Variants in HLTF observed in about 807,000 individuals in gnomAD.
HLTF encodes the protein DNA-dependent ATPase/E3 ubiquitin-protein ligase HLTF.
Under a neutral mutation model 129.4 loss-of-function variants are expected in HLTF, and 127 were observed. That is an observed-to-expected ratio of 0.98 (90% CI 0.85 to 1.14). The LOEUF (loss-of-function observed/expected upper bound fraction) is 1.14, where lower values mean the gene tolerates loss of function less well. HLTF is among the 50% of genes most tolerant of loss of function. The pLI is 0.00. For missense variants in HLTF, 1,139 were observed against 1,187.1 expected (o/e 0.96, Z 0.60); for synonymous variants, 332 against 388.8 (o/e 0.85, Z 1.72).
At chr3:149,047,519 G>A (rs1716644420) in intron 17 of HLTF, among the ~76,000 whole-genome samples, 1 of 152,156 alleles carries the variant, frequency 6.6e-6, no homozygotes, top group African/African-American at 2.4e-5. Flanking sequence ...GCGCAGACCT[G>A]TAATCTCAGC....
chr3:149,063,527 A>C lies in HLTF; in HGVS notation c.1067-3T>G. The C allele has an allele frequency of 6.4e-7, 1 of 1,555,274 alleles. No individual in the cohort carries two copies. Among genetic ancestry groups the C allele is most frequent in the South Asian group, 1.1e-5 (1 of 89,804 alleles). On this transcript the variant is annotated splice_region_variant and splice_polypyrimidine_tract_variant and intron_variant, in intron 9 of 24. Coordinates refer to ENST00000310053, the MANE Select transcript of HLTF (RefSeq NM_003071.4). The stretch of plus-strand genomic sequence containing the variant: ...TTGTTCACTACATCTAGATGCGTCT[A>C]TTTCAAAGAAAAATGCAAATATAAA...
Position 149,039,206 on chromosome 3 carries a change from C to A in HLTF, c.2639G>T (p.Arg880Leu). 1 of 1,582,152 alleles carries A rather than the reference C, an allele frequency of 6.3e-7. No homozygotes were observed. Among genetic ancestry groups the A allele is most frequent in the East Asian group, 2.3e-5 (1 of 43,782 alleles). The change falls in exon 23 of 25, where the codon CGT becomes CTT. Residue 880 changes from arginine to leucine, a missense_variant. By Grantham distance (102) the Arg-to-Leu change is moderately radical. Transcript: ENST00000310053. Reference sequence around the variant, plus strand: ...CTTTTGGGCCATGGAACCATCCAAACGAGTAAACACAAATCCAGAGGCTCT... The same window carrying A: ...CTTTTGGGCCATGGAACCATCCAAAAGAGTAAACACAAATCCAGAGGCTCT... ...PLKASGFVFT[R>L]LDGSMAQKKR... is the part of the protein sequence containing the mutation.
chr3:149,054,345 A>C (rs536313312), intron 14 of HLTF, among the ~76,000 whole-genome samples: 60 of 152,304 alleles, frequency 3.9e-4, no homozygotes, highest in African/African-American at 1.3e-3. Context: ...ATGTATCAGG[A>C]AGAGCCAGTG....
At chr3:149,039,765 T>A in intron 21 of HLTF, 72 bp from the exon 22 acceptor site, 2 of 821,386 alleles carry the variant, frequency 2.4e-6, no homozygotes, top group South Asian at 4.2e-5. Flanking sequence ...GTTTTTATCA[T>A]AAAGAAAAGG....
chr3:149,060,800 C>T lies in HLTF; in HGVS notation c.1219G>A (p.Glu407Lys). The T allele has an allele frequency of 5.0e-6, 8 of 1,613,498 alleles. No individual in the cohort carries two copies. The highest frequency in any genetic ancestry group is 6.8e-6 in the Non-Finnish European group (8 of 1,179,546). Residue 407 changes from glutamate (E) to lysine (K), a missense_variant, in exon 11 of 25, where the codon GAA becomes AAA. By Grantham distance (56) the Glu-to-Lys change is moderately conservative (BLOSUM62 1). Transcript: ENST00000310053. ...TTACCTTTCATTTTCTGCGGCAATT[C>T]ACTTGTTTCAATTTCCTCTGAATCA... ...SSDSEEIETS[E>K]LPQKMKGKLK...
At chr3:149,041,966 T>C in intron 19 of HLTF, 200 bp downstream of exon 19, 1 of 594,912 alleles carries the variant, frequency 1.7e-6, no homozygotes, top group Non-Finnish European at 3.0e-6. Flanking sequence ...ATCACCGGAA[T>C]TCCTGGAAAG....
chr3:149,039,758 T>C (rs1249627592), intron 21 of HLTF, 65 bp from the exon 22 acceptor site: 7 of 884,622 alleles, frequency 7.9e-6, no homozygotes, highest in Non-Finnish European at 1.0e-5. Context: ...TCTAAAAGTT[T>C]TTATCATAAA....
intron 17 of HLTF, among the ~76,000 whole-genome samples, chr3:149,047,190 T>C (rs1716615681): frequency 1.8e-5 from 2 of 113,074 alleles, no homozygotes; most frequent in South Asian, 5.8e-4. Context: ...ACCGGTGCTT[T>C]AGCCAAAAAG....
chr3:149,047,904 G>C, intron 17 of HLTF, 124 bp downstream of exon 17: 3 of 691,370 alleles, frequency 4.3e-6, no homozygotes. Flanking sequence ...AAGGTACTGA[G>C]CCATAAACAC....
intron 2 of HLTF, among the ~76,000 whole-genome samples, chr3:149,076,586 TAA>T (rs942826460): frequency 5.9e-5 from 9 of 152,176 alleles, no homozygotes; most frequent in African/African-American, 2.2e-4. Context: ...CTCCAGAATA[TAA>T]AAGTCAGGGA....
At chr3:149,049,745 C>G (rs542261290) in intron 15 of HLTF, among the ~76,000 whole-genome samples, 96 of 152,308 alleles carry the variant, frequency 6.3e-4, no homozygotes, top group African/African-American at 2.2e-3. Context: ...GTAATCCCAG[C>G]ACTTTGGGAG....
In HLTF at chr3:149,037,164, C is replaced by T. The variant is rs74403158; in HGVS notation, c.2796+1885G>A. On this transcript the variant is annotated intron_variant, in intron 23 of 24. Coordinates refer to ENST00000310053, the MANE Select transcript of HLTF (RefSeq NM_003071.4). ...AAGATTTCAAACTTCATCCACAGTA[C>T]AAAGGCAAGAAAATACAACAGACCG... 8.9e-3 allele frequency among the ~76,000 whole-genome samples: 1,361 copies of T among 152,190 alleles called. 7 individuals carry two copies. Among genetic ancestry groups the T allele is most frequent in the Non-Finnish European group, 0.015 (1,013 of 67,992 alleles).
chr3:149,062,429 T>G (rs906159635), intron 10 of HLTF, among the ~76,000 whole-genome samples: 1 of 152,238 alleles, frequency 6.6e-6, no homozygotes, highest in Non-Finnish European at 1.5e-5. Context: ...CAGACAGCTA[T>G]TAATGACAGA....
intron 23 of HLTF, among the ~76,000 whole-genome samples, chr3:149,035,255 T>C (rs914358694): frequency 6.6e-6 from 1 of 152,126 alleles, no homozygotes; most frequent in Non-Finnish European, 1.5e-5. Flanking sequence ...AAAATAAGTA[T>C]TTGTTGATTA....
chr3:149,083,212 T>C lies in HLTF; in HGVS notation c.228+1470A>G, dbSNP rs898755486. ...GTTGCAGTGAGCCAAGATTGCACCA[T>C]TGCACTCCAGCCTGGGCAATGCAAG... On this transcript the variant is annotated intron_variant, in intron 2 of 24. Coordinates refer to ENST00000310053, the MANE Select transcript of HLTF (RefSeq NM_003071.4). Among the ~76,000 whole-genome samples, 29 of 151,876 alleles carry C rather than the reference T, an allele frequency of 1.9e-4. 2 individuals are homozygous for C. Among genetic ancestry groups the C allele is most frequent in the Non-Finnish European group, 8.8e-5 (6 of 67,946 alleles).
chr3:149,085,684 GA>G (rs1720306817), intron 1 of HLTF, among the ~76,000 whole-genome samples: 1 of 152,144 alleles, frequency 6.6e-6, no homozygotes, highest in Non-Finnish European at 1.5e-5. Context: ...GCCACCGTGG[GA>G]AATTGGCCCC....
intron 2 of HLTF, among the ~76,000 whole-genome samples, chr3:149,079,591 G>A (rs971003009): frequency 6.6e-6 from 1 of 151,572 alleles, no homozygotes; most frequent in African/African-American, 2.4e-5. Context: ...TTTTTTTGGG[G>A]TTTTCTTTGT....
At chr3:149,074,369 A>G in intron 3 of HLTF, 21 bp from the exon 4 acceptor site, 1 of 1,581,842 alleles carries the variant, frequency 6.3e-7, no homozygotes. Flanking sequence ...TGGGAGAAAA[A>G]GAAAGGGAAA....
intron 14 of HLTF, among the ~76,000 whole-genome samples, chr3:149,053,544 TG>T (rs1717171213): frequency 6.6e-6 from 1 of 152,204 alleles, no homozygotes; most frequent in South Asian, 2.1e-4. Flanking sequence ...CTGTAAAGCC[TG>T]CAGTATCATG....
Sources: allele counts gnomAD v4.1 joint callset (sites outside exome capture counted in the v4.1 genomes callset), GRCh38; gene constraint gnomAD v4.1.1; transcripts MANE v1.5; gene names NCBI Gene and HGNC (gene_info 2026-07-23, HGNC 2026-07-21).